GRIK4: variants seen among roughly 807,000 people sequenced by gnomAD.
GRIK4 encodes glutamate ionotropic receptor kainate type subunit 4.
In GRIK4, 40 loss-of-function variants were observed where a neutral mutation model predicts 104.9. That is an observed-to-expected ratio of 0.38 (90% confidence interval 0.30 to 0.50). GRIK4 has a LOEUF of 0.50. GRIK4 is among the 20% of genes least tolerant of loss of function. The pLI is 0.93. For missense variants in GRIK4, 1,047 were observed against 1,308.1 expected (o/e 0.80, Z 3.08); for synonymous variants, 485 against 524.9 (o/e 0.92, Z 1.04).
intron 8 of GRIK4, among the ~76,000 whole-genome samples, chr11:120,838,191 A>G (rs1174033259): frequency 6.6e-6 from 1 of 152,228 alleles, no homozygotes; most frequent in Non-Finnish European, 1.5e-5. Flanking sequence ...TGGCCTGTGA[A>G]GTCAGGAGGC....
At chr11:120,779,589 C>T (rs994291145) in intron 3 of GRIK4, among the ~76,000 whole-genome samples, 20 of 152,130 alleles carry the variant, frequency 1.3e-4, no homozygotes, top group African/African-American at 4.3e-4. Flanking sequence ...GATTCAAAGT[C>T]GTGGTGAAAT....
rs575114095 is a variant in GRIK4 at position 120,623,958 on chromosome 11, T to C, written c.-158-29727T>C. Among the ~76,000 whole-genome samples, 16 of 135,774 alleles carry C rather than the reference T, an allele frequency of 1.2e-4. No individual in the cohort carries two copies. The East Asian group carries it at 4.0e-3, about 34-fold the overall frequency. 89.1% of individuals were successfully genotyped at this position (135,774 alleles called of 152,430 possible). A position where few individuals can be genotyped will look rare whatever the true frequency, so the allele number is the denominator to read the frequency against. On this transcript the variant is annotated intron_variant, in intron 1 of 20. Transcript: ENST00000527524. ...CTCCTCCTCTTCCCCCTTACTCTTC[T>C]TCCTCCCCCTTCCCTCTTCCTCCTC... is the stretch of plus-strand genomic sequence containing the variant.
At chr11:120,590,936 G>T (rs938816670) in intron 1 of GRIK4, among the ~76,000 whole-genome samples, 4 of 152,132 alleles carry the variant, frequency 2.6e-5, no homozygotes, top group Admixed American at 6.5e-5. Flanking sequence ...CCTTCCCGGG[G>T]TTTCTGTAGG....
intron 9 of GRIK4, chr11:120,872,023 C>T (rs1192499273): frequency 4.8e-6 from 2 of 416,784 alleles, no homozygotes; most frequent in African/African-American, 2.0e-5. Context: ...CTGCCTGTAG[C>T]CCCCTGTCCT....
Position 120,939,075 on chromosome 11 carries a change from G to T in GRIK4, c.1477-1272G>T, listed in dbSNP as rs1478341136. ...AGAAGTGAAGTGACTAGTCCAGGTT[G>T]GTTAGTTGGTTGTTAGAGTAGAGGA... On this transcript the variant is annotated intron_variant, in intron 13 of 20. Transcript: ENST00000527524. This position sits in a 1 kb window ranked among gnomAD's most constrained non-coding sequence, Gnocchi z 5.6. Among the ~76,000 whole-genome samples, 1 of 152,154 alleles carries T rather than the reference G, an allele frequency of 6.6e-6. No homozygotes were observed. Among genetic ancestry groups the T allele is most frequent in the African/African-American group, 2.4e-5 (1 of 41,410 alleles).
intron 14 of GRIK4, among the ~76,000 whole-genome samples, chr11:120,941,595 C>T (rs1242056764): frequency 6.6e-6 from 1 of 152,106 alleles, no homozygotes; most frequent in Non-Finnish European, 1.5e-5. Context: ...GAAGGTGCAG[C>T]CATGCTAGAT....
At chr11:120,920,467 G>A (rs995910893) in intron 13 of GRIK4, among the ~76,000 whole-genome samples, 6 of 152,036 alleles carry the variant, frequency 3.9e-5, no homozygotes, top group African/African-American at 9.7e-5. Context: ...CTCCCAGGCC[G>A]GCCTGGGTTC....
At chr11:120,743,259 T>G (rs1050662081) in intron 3 of GRIK4, among the ~76,000 whole-genome samples, 15 of 151,772 alleles carry the variant, frequency 9.9e-5, no homozygotes, top group African/African-American at 3.6e-4. Flanking sequence ...AGAATGAGAT[T>G]ATGTCTTTTG....
chr11:120,534,683 TC>T lies in GRIK4; in HGVS notation c.-159+22797del, dbSNP rs1307326228. 5.9e-5 allele frequency among the ~76,000 whole-genome samples: 9 copies of T among 151,784 alleles called. No homozygotes were observed. The East Asian group carries it at 1.8e-3, about 30-fold the overall frequency. ...TCTAGTGGATTTGGCCACTGGGAGG[TC>T]ATTGGTGCTCTTCCTGGGTGTGGGA... On this transcript the variant is annotated intron_variant, in intron 1 of 20. Transcript: ENST00000527524.
chr11:120,799,007 T>G (rs1213734766), intron 3 of GRIK4, among the ~76,000 whole-genome samples: 5 of 152,084 alleles, frequency 3.3e-5, no homozygotes, highest in Admixed American at 3.3e-4. Context: ...AGCAGACCCT[T>G]TGGTGTGTGC....
chr11:120,808,298 G>A (rs78683440), intron 4 of GRIK4, among the ~76,000 whole-genome samples: 2 of 152,266 alleles, frequency 1.3e-5, no homozygotes, highest in East Asian at 3.9e-4. Flanking sequence ...GGAATAAGAA[G>A]AGTTCTCACT....
chr11:120,578,964 G>A (rs1437839829), intron 1 of GRIK4, among the ~76,000 whole-genome samples: 1 of 152,192 alleles, frequency 6.6e-6, no homozygotes, highest in Non-Finnish European at 1.5e-5. Flanking sequence ...GGGTTGAGGC[G>A]GGAGTTCCTG....
chr11:120,884,856 T>G (rs1955073364), intron 11 of GRIK4, among the ~76,000 whole-genome samples: 1 of 152,252 alleles, frequency 6.6e-6, no homozygotes. Context: ...AGCCGGGCCA[T>G]GCTCAGGCCA....
At chr11:120,532,216 A>G (rs72998730) in intron 1 of GRIK4, among the ~76,000 whole-genome samples, 1 of 151,954 alleles carries the variant, frequency 6.6e-6, no homozygotes, top group African/African-American at 2.4e-5. Context: ...CTAGCCCCCA[A>G]AGTGACCTGG....
chr11:120,546,441 A>C (rs761373684), intron 1 of GRIK4, among the ~76,000 whole-genome samples: 19 of 152,152 alleles, frequency 1.2e-4, no homozygotes, highest in Non-Finnish European at 2.5e-4. Flanking sequence ...GTGTCCTTCT[A>C]GGTGGTGGAG....
intron 3 of GRIK4, among the ~76,000 whole-genome samples, chr11:120,702,664 C>G (rs1265974885): frequency 1.3e-5 from 2 of 152,038 alleles, no homozygotes; most frequent in Non-Finnish European, 2.9e-5. Context: ...CTCCTGGAAG[C>G]CAAGGGAAGA....
chr11:120,557,358 A>G (rs751046125), intron 1 of GRIK4, among the ~76,000 whole-genome samples: 1 of 152,050 alleles, frequency 6.6e-6, no homozygotes, highest in Non-Finnish European at 1.5e-5. Context: ...CAGTCTCCTC[A>G]CAGGCTGTGC....
Position 120,956,919 on chromosome 11 carries a change from C to G in GRIK4, c.1840C>G (p.Arg614Gly). Residue 614 changes from arginine to glycine, a missense_variant, in exon 16 of 21, where the codon CGC becomes GGC. By Grantham distance (125) the Arg-to-Gly change is moderately radical (BLOSUM62 -2). Around this residue, in one of 3 missense-constraint regions of GRIK4, gnomAD observed 440 missense variants for 652.3 expected, o/e 0.67. Coordinates refer to ENST00000527524, the MANE Select transcript of GRIK4 (RefSeq NM_014619.5). This position sits in a 1 kb window ranked among gnomAD's most constrained non-coding sequence, Gnocchi z 4.6. ...GCAGCAAGGCTCCACCATCGCCCCTCGCGCCTTATCCACCCGCTGTGTCAG... is the reference window on the plus strand; with the variant it reads ...GCAGCAAGGCTCCACCATCGCCCCTGGCGCCTTATCCACCCGCTGTGTCAG... Reference protein sequence around the residue: ...FMQQGSTIAPRALSTRCVSGV... With the variant: ...FMQQGSTIAPGALSTRCVSGV... 6.2e-7 allele frequency: 1 copy of G among 1,612,900 alleles called. No homozygotes were observed. Among genetic ancestry groups the G allele is most frequent in the Non-Finnish European group, 8.5e-7 (1 of 1,179,468 alleles).
chr11:120,645,658 G>A (rs995258652), intron 1 of GRIK4, among the ~76,000 whole-genome samples: 2 of 152,276 alleles, frequency 1.3e-5, no homozygotes, highest in Admixed American at 6.5e-5. Context: ...TGATCTCCCC[G>A]TGCTCTCAGA....
Sources: gnomAD v4.1 joint callset for allele counts (sites outside exome capture counted in the v4.1 genomes callset) on GRCh38, gnomAD v4.1.1 for gene constraint, gnomAD v4.1.1 regional missense constraint, Gnocchi (gnomAD v3.1) non-coding constraint, MANE v1.5 for transcripts, NCBI Gene and HGNC (gene_info 2026-07-23, HGNC 2026-07-21) for gene names.